TOX2: variants seen among roughly 807,000 people sequenced by gnomAD.
The protein encoded by TOX2 is granulosa cell HMG box 1.
A neutral mutation model predicts 47.4 loss-of-function variants in TOX2; 15 were observed. That is an observed-to-expected ratio of 0.32 (90% confidence interval 0.21 to 0.49). The LOEUF is 0.49. Ranked by LOEUF, TOX2 falls within the 20% of genes least tolerant of loss-of-function variation. The pLI is 0.99. For synonymous variants in TOX2, 290 were observed against 296.6 expected (o/e 0.98, Z 0.23); for missense variants, 622 against 673.1 (o/e 0.92, Z 0.84).
intron 1 of TOX2, among the ~76,000 whole-genome samples, chr20:43,936,285 A>G (rs1396938923): frequency 2.0e-5 from 3 of 152,168 alleles, no homozygotes; most frequent in Non-Finnish European, 4.4e-5. Flanking sequence ...GTTGTTTTCA[A>G]CTTGATGTTG....
intron 1 of TOX2, among the ~76,000 whole-genome samples, chr20:43,936,085 A>T (rs1281033431): frequency 6.6e-6 from 1 of 152,006 alleles, no homozygotes; most frequent in African/African-American, 2.4e-5. Context: ...CCTCATTGAG[A>T]CTCAGACCAT....
At chr20:43,958,688 C>T (rs1417721421) in intron 1 of TOX2, among the ~76,000 whole-genome samples, 1 of 152,246 alleles carries the variant, frequency 6.6e-6, no homozygotes, top group Non-Finnish European at 1.5e-5. Flanking sequence ...GGAATGTTCA[C>T]CGTGCCCTTG....
At position 44,023,385 on chromosome 20, in the gene TOX2, G is replaced by T. The variant is rs532281957; in HGVS notation, c.411+16593G>T. On this transcript the variant is annotated intron_variant, in intron 3 of 8. Coordinates refer to ENST00000341197, the MANE Select transcript of TOX2 (RefSeq NM_001098797.2). ...GCAGAGTTTGCAATGAGCCAAGATC[G>T]CACCACTGCATTCCAGTCTGGGTGA... 2.3e-5 allele frequency among the ~76,000 whole-genome samples: 3 copies of T among 128,492 alleles called. No homozygotes were observed. The East Asian group carries it at 7.5e-4, about 32-fold the overall frequency. 84.3% of individuals were successfully genotyped at this position (128,492 alleles called of 152,430 possible).
intron 4 of TOX2, among the ~76,000 whole-genome samples, chr20:44,052,495 A>G (rs1051895789): frequency 1.4e-4 from 21 of 152,192 alleles, no homozygotes; most frequent in Non-Finnish European, 3.1e-4. Context: ...CTAGGGCAGT[A>G]ACCCTGGACT....
In TOX2 at chr20:44,068,852, C is replaced by A; in HGVS notation, c.*166C>A. The A allele has an allele frequency of 2.1e-6, 2 of 949,154 alleles. No individual in the cohort carries two copies. The highest frequency in any genetic ancestry group is 1.7e-6 in the Non-Finnish European group (1 of 598,786). The allele number at this position is 949,154 out of a possible 1,614,324, so 58.8% of individuals were successfully genotyped here. On this transcript the variant is annotated 3_prime_UTR_variant, in exon 9 of 9. Coordinates refer to ENST00000341197, the MANE Select transcript of TOX2 (RefSeq NM_001098797.2). ...GTCTCTTCCTCAACCTCCCACCAGA[C>A]TCTGCAGAGGCAGCCCACTGCCCAC...
chr20:43,982,024 AG>A (rs1299035224), intron 2 of TOX2, among the ~76,000 whole-genome samples: 1 of 149,644 alleles, frequency 6.7e-6, no homozygotes, highest in Non-Finnish European at 1.5e-5. Flanking sequence ...TGGGTTTAGG[AG>A]GGGGAAAGGC....
At chr20:43,984,396 A>T (rs1037574888) in intron 2 of TOX2, among the ~76,000 whole-genome samples, 2 of 152,252 alleles carry the variant, frequency 1.3e-5, no homozygotes, top group Non-Finnish European at 2.9e-5. Context: ...AGAATTGAGT[A>T]TATATGTCAG....
chr20:43,928,843 T>G, intron 1 of TOX2, among the ~76,000 whole-genome samples: 1 of 152,004 alleles, frequency 6.6e-6, no homozygotes, highest in African/African-American at 2.4e-5. Context: ...CATACAAAGC[T>G]ACTCAGTGGG....
At chr20:44,025,604 CT>C (rs915531012) in intron 3 of TOX2, among the ~76,000 whole-genome samples, 20 of 6,214 alleles carry the variant, frequency 3.2e-3, no homozygotes, top group Admixed American at 0.012. Flanking sequence ...TTTTGTAGAA[CT>C]TTTTAAAAAT....
chr20:43,925,970 G>T (rs1005686377), intron 1 of TOX2, among the ~76,000 whole-genome samples: 4 of 152,182 alleles, frequency 2.6e-5, no homozygotes, highest in Admixed American at 2.6e-4. Context: ...TGCTGCAGGG[G>T]TGGAAGAGTG....
chr20:44,001,398 T>C (rs1416362396), intron 2 of TOX2, among the ~76,000 whole-genome samples: 2 of 152,234 alleles, frequency 1.3e-5, no homozygotes, highest in Non-Finnish European at 2.9e-5. Context: ...ACATAGTAGG[T>C]ACTCAGGACA....
Position 43,916,318 on chromosome 20 carries a change from C to G in TOX2, c.99+1328C>G, listed in dbSNP as rs376633123. 63 of 856,222 alleles carry G rather than the reference C, an allele frequency of 7.4e-5. No individual in the cohort carries two copies. In the Admixed American group the frequency reaches 9.3e-4, roughly 13 times the overall value. 53.0% of individuals were successfully genotyped at this position (856,222 alleles called of 1,614,324 possible). On this transcript the variant is annotated intron_variant, in intron 1 of 8. Coordinates refer to ENST00000341197, the MANE Select transcript of TOX2 (RefSeq NM_001098797.2). The surrounding 1 kb of genome is among the most constrained non-coding windows in gnomAD (Gnocchi z 5.0). ...GGGATGAGGCAGGAGAGAGGCGTCC[C>G]GGCGCGGATCCCGGGGCCTCCCGGG...
intron 1 of TOX2, among the ~76,000 whole-genome samples, chr20:43,933,091 G>A (rs1351397725): frequency 6.6e-6 from 1 of 152,196 alleles, no homozygotes; most frequent in African/African-American, 2.4e-5. Context: ...AGAAGGGTGA[G>A]AAGCTTCTAC....
At chr20:44,053,299 G>A (rs916590989) in intron 4 of TOX2, among the ~76,000 whole-genome samples, 2 of 152,000 alleles carry the variant, frequency 1.3e-5, no homozygotes, top group African/African-American at 2.4e-5. Context: ...CTTTAGCCTC[G>A]TGCCCTCCCC....
At chr20:44,062,367 AAAAT>A (rs200770035) in intron 5 of TOX2, among the ~76,000 whole-genome samples, 4,567 of 140,874 alleles carry the variant, frequency 0.032, 99 homozygotes, top group Middle Eastern at 0.056. Flanking sequence ...CTTTAACTGC[AAAAT>A]AAATAAATAA....
intron 5 of TOX2, 100 bp from the exon 6 acceptor site, chr20:44,064,677 A>G: frequency 8.7e-7 from 1 of 1,152,604 alleles, no homozygotes; most frequent in Non-Finnish European, 1.3e-6. Context: ...ACCCTCGTCC[A>G]TTCGTGATCC....
intron 3 of TOX2, among the ~76,000 whole-genome samples, chr20:44,028,698 G>A (rs1466242781): frequency 6.6e-6 from 1 of 152,192 alleles, no homozygotes; most frequent in African/African-American, 2.4e-5. Context: ...GGGGAGGAAA[G>A]GTTCCCTGCC....
chr20:43,982,131 G>A (rs2070179483), intron 2 of TOX2, among the ~76,000 whole-genome samples: 3 of 152,084 alleles, frequency 2.0e-5, no homozygotes, highest in Admixed American at 1.3e-4. Flanking sequence ...GGGTGTGGAG[G>A]ACAGCAGAGA....
chr20:44,047,293 G>T (rs757737643), intron 3 of TOX2, among the ~76,000 whole-genome samples: 1 of 152,128 alleles, frequency 6.6e-6, no homozygotes, highest in African/African-American at 2.4e-5. Context: ...AATGTCTTCA[G>T]AGAAATGCCC....
Sources: gnomAD v4.1 joint callset for allele counts (sites outside exome capture counted in the v4.1 genomes callset) on GRCh38, gnomAD v4.1.1 for gene constraint, Gnocchi (gnomAD v3.1) non-coding constraint, MANE v1.5 for transcripts, NCBI Gene and HGNC (gene_info 2026-07-23, HGNC 2026-07-21) for gene names.